The following RABGEF1 variants were observed in gnomAD, a reference collection of about 807,000 sequenced individuals.
RABGEF1 encodes rab5 GDP/GTP exchange factor.
Under a neutral mutation model 57.3 loss-of-function variants are expected in RABGEF1, and 26 were observed. The ratio of observed to expected loss-of-function variants is 0.45; its 90% CI spans 0.33 to 0.63. RABGEF1 has a LOEUF of 0.63. RABGEF1 is among the 20% of genes least tolerant of loss of function. The pLI is 0.02. For missense variants in RABGEF1, 464 were observed against 607.6 expected (o/e 0.76, Z 2.48); for synonymous variants, 185 against 210.7 (o/e 0.88, Z 1.06).
the RABGEF1 span, among the ~76,000 whole-genome samples, chr7:66,659,642 T>C: frequency 6.6e-6 from 1 of 151,574 alleles, no homozygotes; most frequent in Non-Finnish European, 1.5e-5. Context: ...CAGCTGGTTG[T>C]GGTGTTACCC....
chr7:66,771,276 C>CT (rs1807057148), intron 1 of RABGEF1, among the ~76,000 whole-genome samples: 1 of 151,942 alleles, frequency 6.6e-6, no homozygotes, highest in Non-Finnish European at 1.5e-5. Context: ...ATAGCTGGGA[C>CT]TACAGGCGCC....
chr7:66,656,361 C>T, the RABGEF1 span, among the ~76,000 whole-genome samples: 2 of 152,062 alleles, frequency 1.3e-5, 1 homozygote, highest in South Asian at 4.2e-4. Flanking sequence ...AAGCAATCCT[C>T]CCGCCTCAAG....
chr7:66,711,834 C>T (rs916584391), intron 1 of RABGEF1, among the ~76,000 whole-genome samples: 2 of 152,130 alleles, frequency 1.3e-5, no homozygotes, highest in Non-Finnish European at 2.9e-5. Context: ...GATCTGCCCG[C>T]CTCGGCCTCC....
chr7:66,796,382 A>G (rs17138015), intron 5 of RABGEF1, among the ~76,000 whole-genome samples: 10,839 of 152,146 alleles, frequency 0.071, 1,247 homozygotes, highest in African/African-American at 0.24. Context: ...TGTTATGGTA[A>G]ACCTCAGAAA....
At chr7:66,743,904 T>C (rs1799579817) in intron 1 of RABGEF1, among the ~76,000 whole-genome samples, 1 of 152,172 alleles carries the variant, frequency 6.6e-6, no homozygotes, top group African/African-American at 2.4e-5. Flanking sequence ...GTGTTGGGAT[T>C]ACAAACATGA....
Position 66,775,330 on chromosome 7 carries a change from A to G in RABGEF1, c.283A>G (p.Thr95Ala), listed in dbSNP as rs1331881414. 1 of 1,613,910 alleles carries G rather than the reference A, an allele frequency of 6.2e-7. No individual in the cohort carries two copies. Among genetic ancestry groups the G allele is most frequent in the Non-Finnish European group, 8.5e-7 (1 of 1,179,850 alleles). ...KFEEKKTNEK[T>A]RKVTTVKKFF... Reference sequence around the variant, plus strand: ...TGAAGAAAAGAAAACCAACGAGAAGACCCGCAAGGTTACCACAGTGAAGAA... The same window carrying G: ...TGAAGAAAAGAAAACCAACGAGAAGGCCCGCAAGGTTACCACAGTGAAGAA... The change falls in exon 3 of 9, where the codon ACC becomes GCC. Residue 95 changes from threonine to alanine, a missense_variant. Physicochemically the swap from Thr to Ala is moderately conservative, Grantham distance 58 (BLOSUM62 0). Around this residue, in one of 4 missense-constraint regions of RABGEF1, gnomAD observed 284 missense variants for 389.9 expected, o/e 0.73. Coordinates refer to ENST00000284957, the MANE Select transcript of RABGEF1 (RefSeq NM_014504.3).
At chr7:66,787,494 C>T (rs945181097) in intron 4 of RABGEF1, among the ~76,000 whole-genome samples, 3 of 151,916 alleles carry the variant, frequency 2.0e-5, no homozygotes, top group African/African-American at 7.3e-5. Context: ...CAGGTGTGCA[C>T]CACCATGCCG....
intron 1 of RABGEF1, among the ~76,000 whole-genome samples, chr7:66,704,340 CTT>C (rs1793704656): frequency 6.6e-6 from 1 of 152,150 alleles, no homozygotes; most frequent in Non-Finnish European, 1.5e-5. Flanking sequence ...GAATCTGACA[CTT>C]TTTGCCAGCT....
At chr7:66,789,682 CAAAAAAAAAAAAAAA>C (rs35661980) in intron 4 of RABGEF1, among the ~76,000 whole-genome samples, 2 of 57,466 alleles carry the variant, frequency 3.5e-5, no homozygotes, top group African/African-American at 7.5e-5. Flanking sequence ...GACTCTATCT[CAAAAAAAAAAAAAAA>C]AAAAAAAAAA....
At chr7:66,674,836 GAA>G in the RABGEF1 span, among the ~76,000 whole-genome samples, 1 of 151,866 alleles carries the variant, frequency 6.6e-6, no homozygotes, top group Non-Finnish European at 1.5e-5. Flanking sequence ...TTAAGGAATG[GAA>G]AAGTTTCATC....
At chr7:66,688,107 A>T (rs1166025277) in intron 1 of RABGEF1, among the ~76,000 whole-genome samples, 1 of 141,812 alleles carries the variant, frequency 7.1e-6, no homozygotes, top group East Asian at 2.1e-4. Flanking sequence ...AAAAAAAAAA[A>T]GTAACCAAAT....
At chr7:66,762,485 G>T (rs539156881) in intron 1 of RABGEF1, among the ~76,000 whole-genome samples, 16 of 152,258 alleles carry the variant, frequency 1.1e-4, no homozygotes, top group African/African-American at 3.9e-4. Flanking sequence ...AGCTACTCAA[G>T]AGGCTGAGAC....
At chr7:66,720,817 G>T (rs1347768107) in intron 2 of RABGEF1, among the ~76,000 whole-genome samples, 4 of 152,162 alleles carry the variant, frequency 2.6e-5, no homozygotes, top group Non-Finnish European at 5.9e-5. Flanking sequence ...TATGAAATAA[G>T]CTACTAGAAC....
chr7:66,774,601 T>G (rs10950050), intron 2 of RABGEF1, among the ~76,000 whole-genome samples: 52,485 of 151,918 alleles, frequency 0.35, 9,452 homozygotes, highest in Middle Eastern at 0.5. Context: ...TAGAATCCTA[T>G]TCAGCCTTAT....
intron 7 of RABGEF1, among the ~76,000 whole-genome samples, chr7:66,804,150 C>T (rs1047965139): frequency 2.0e-5 from 3 of 150,186 alleles, no homozygotes; most frequent in African/African-American, 4.9e-5. Context: ...GTGGTATGAT[C>T]GTAGCTCACT....
In RABGEF1 at chr7:66,688,775, A is replaced by G. The variant is rs569789395; in HGVS notation, c.-873+6517A>G. Among the ~76,000 whole-genome samples, 136 of 152,334 alleles carry G rather than the reference A, an allele frequency of 8.9e-4. 1 individual carries two copies. The highest frequency in any genetic ancestry group is 1.4e-3 in the Non-Finnish European group (96 of 68,036). On this transcript the variant is annotated intron_variant and NMD_transcript_variant, in intron 1 of 9. Coordinates refer to the RABGEF1 transcript ENST00000607882. ...CAGTTAAAGCAGTGCTCAGAGGGAA[A>G]TGTATAGCTGTAAGCATCTACCTTT...
intron 3 of RABGEF1, among the ~76,000 whole-genome samples, chr7:66,776,327 G>A (rs1472040069): frequency 6.6e-6 from 1 of 152,180 alleles, no homozygotes; most frequent in African/African-American, 2.4e-5. Flanking sequence ...TAGGTTTTGT[G>A]ACTTTTGCTG....
chr7:66,740,446 G>A (rs1798637683), upstream of RABGEF1: 2 of 152,364 alleles, frequency 1.3e-5, no homozygotes, highest in South Asian at 4.1e-4. Flanking sequence ...TTGCGCGTCG[G>A]AAGCCGGAAG....
chr7:66,762,493 G>A (rs1804673524), intron 1 of RABGEF1, among the ~76,000 whole-genome samples: 1 of 152,176 alleles, frequency 6.6e-6, no homozygotes, highest in South Asian at 2.1e-4. Flanking sequence ...AAGAGGCTGA[G>A]ACGAGAGGGT....
Sources: gnomAD v4.1 joint callset for allele counts (sites outside exome capture counted in the v4.1 genomes callset) on GRCh38, gnomAD v4.1.1 for gene constraint, gnomAD v4.1.1 regional missense constraint, MANE v1.5 for transcripts, NCBI Gene and HGNC (gene_info 2026-07-23, HGNC 2026-07-21) for gene names.